The following MAN2B2 variants were observed in gnomAD, a reference collection of about 807,000 sequenced individuals.
MAN2B2 encodes the protein mannosidase alpha class 2B member 2, also known as epididymis-specific alpha-mannosidase.
MAN2B2 carries 106 observed loss-of-function variants against 117.1 expected under a neutral mutation model. That is an observed-to-expected ratio of 0.90 (90% confidence interval 0.77 to 1.06). The LOEUF is 1.06. Among genes scored for constraint, MAN2B2 ranks in the 50% least tolerant of loss-of-function variants. The probability of loss-of-function intolerance (pLI) is 0.00; values close to 1 mark genes in which losing one functional copy is unlikely to be tolerated. For missense variants in MAN2B2, 1,326 were observed against 1,381.4 expected, an observed-to-expected ratio of 0.96 and a Z score of 0.64; for synonymous variants, 544 against 595.1, an observed-to-expected ratio of 0.91 and a Z score of 1.25.
At chr4:6,613,217 G>C (rs1313086753) in intron 15 of MAN2B2, among the ~76,000 whole-genome samples, 1 of 152,196 alleles carries the variant, frequency 6.6e-6, no homozygotes, top group African/African-American at 2.4e-5. Context: ...AAGGAGTAGG[G>C]GCTGAGGTGC....
chr4:6,586,442 T>C (rs1007826864), intron 3 of MAN2B2, among the ~76,000 whole-genome samples: 1 of 152,180 alleles, frequency 6.6e-6, no homozygotes, highest in Non-Finnish European at 1.5e-5. Context: ...AAGACCTCCA[T>C]AGCATCATCA....
intron 11 of MAN2B2, among the ~76,000 whole-genome samples, chr4:6,607,917 T>C (rs964349728): frequency 2.0e-5 from 3 of 152,242 alleles, no homozygotes; most frequent in Admixed American, 6.5e-5. Context: ...TTTTCAATTA[T>C]AGCCATTCTC....
rs1726151656 is a variant in MAN2B2, at chr4:6,578,386, T to C, written c.286-7T>C. On this transcript the variant is annotated splice_region_variant and splice_polypyrimidine_tract_variant and intron_variant, in intron 2 of 18. Transcript: ENST00000285599. ...TGGCTTTTTTCTCTCTGCCTGCCCA[T>C]GTCAAGGTCCGCCAGCTCCTGGAGG... 1 of 1,610,768 alleles carries C rather than the reference T, an allele frequency of 6.2e-7. No individual in the cohort carries two copies. Among genetic ancestry groups the C allele is most frequent in the Non-Finnish European group, 8.5e-7 (1 of 1,178,112 alleles).
chr4:6,613,623 G>A (rs972406724), intron 15 of MAN2B2, among the ~76,000 whole-genome samples: 8 of 147,316 alleles, frequency 5.4e-5, no homozygotes, highest in African/African-American at 2.0e-4. Flanking sequence ...TGGAAGGGAG[G>A]GGAGGGGAGG....
chr4:6,614,534 T>C (rs1357972275), intron 16 of MAN2B2, among the ~76,000 whole-genome samples, 179 bp downstream of exon 16: 1 of 152,154 alleles, frequency 6.6e-6, no homozygotes, highest in Non-Finnish European at 1.5e-5. Context: ...ATCAGTCACT[T>C]GGCAAGCTGG....
At chr4:6,614,197 C>G (rs754393714) in intron 15 of MAN2B2, 21 bp from the exon 16 acceptor site, 1 of 1,612,036 alleles carries the variant, frequency 6.2e-7, no homozygotes, top group South Asian at 1.1e-5. Context: ...CCTCTCCTCA[C>G]TCTGTCCATC....
At chr4:6,578,070 T>C (rs1045621747) in intron 2 of MAN2B2, among the ~76,000 whole-genome samples, 4 of 152,228 alleles carry the variant, frequency 2.6e-5, no homozygotes, top group African/African-American at 9.7e-5. Context: ...ATGGTAGTGA[T>C]GAGTGAACCT....
At chr4:6,593,063 G>C (rs1355028847) in intron 5 of MAN2B2, 110 bp from the exon 6 acceptor site, 1 of 1,012,486 alleles carries the variant, frequency 9.9e-7, no homozygotes. Flanking sequence ...CAGTCTCAGG[G>C]TGAAATGATG....
intron 17 of MAN2B2, chr4:6,619,460 A>G (rs1712055709): frequency 6.4e-6 from 1 of 155,086 alleles, no homozygotes; most frequent in East Asian, 1.9e-4. Context: ...AGCCACCCCC[A>G]GCCCTCCTGC....
At chr4:6,579,277 C>CCAT (rs1726290352) in intron 3 of MAN2B2, among the ~76,000 whole-genome samples, 2 of 107,632 alleles carry the variant, frequency 1.9e-5, no homozygotes, top group South Asian at 3.5e-4. Flanking sequence ...ACCATCACCA[C>CCAT]CACCATCACC....
At chr4:6,617,807 A>G (rs1043913661) in intron 17 of MAN2B2, 1 of 287,248 alleles carries the variant, frequency 3.5e-6, no homozygotes, top group African/African-American at 2.2e-5. Flanking sequence ...CAACCTCCCA[A>G]GTAACTGGGA....
chr4:6,597,204 G>A lies in MAN2B2; in HGVS notation c.1149G>A (p.Glu383=). ...CCAGCGCCTTGTTGTATGCCGGGGA[G>A]TCCATGTTCACACGCTACCTGTGGC... ...RRASALLYAG[E]SMFTRYLWPA... Residue 383 remains glutamate (E), a synonymous_variant, in exon 8 of 19, where the codon GAG becomes GAA. Transcript: ENST00000285599. 6.2e-7 allele frequency: 1 copy of A among 1,611,808 alleles called. No individual in the cohort carries two copies. Among genetic ancestry groups the A allele is most frequent in the Non-Finnish European group, 8.5e-7 (1 of 1,179,280 alleles).
chr4:6,605,186 C>T lies in MAN2B2; in HGVS notation c.1671C>T (p.Ala557=), dbSNP rs1380559296. The change falls in exon 11 of 19, where the codon GCC becomes GCT. Residue 557 remains alanine (A), a synonymous_variant. Transcript: ENST00000285599. Reference sequence around the variant, plus strand: ...AAGAGGGCACCCAGGAGCCGGCTGCCACTGTGGCGAGCACCCTTCAATTTG... The same window carrying T: ...AAGAGGGCACCCAGGAGCCGGCTGCTACTGTGGCGAGCACCCTTCAATTTG... The part of the protein sequence containing the change: ...GAQEGTQEPA[A]TVASTLQFGR... The T allele has an allele frequency of 3.7e-6, 6 of 1,614,238 alleles. No homozygotes were observed. The highest frequency in any genetic ancestry group is 4.2e-6 in the Non-Finnish European group (5 of 1,180,048).
rs112013541 is a variant in MAN2B2 at position 6,611,005 on chromosome 4, C to G, written c.2370+15C>G. On this transcript the variant is annotated intron_variant, in intron 14 of 18. Coordinates refer to ENST00000285599, the MANE Select transcript of MAN2B2 (RefSeq NM_015274.3). ...GGCAGGTGGAGGTAGGAGGCACGGT[C>G]TGTCCTACAGCAGCCCCTCGCGGCC... The G allele has an allele frequency of 1.4e-3, 2,304 of 1,613,972 alleles. 36 individuals carry two copies. The African/African-American group carries it at 0.025, about 17-fold the overall frequency.
chr4:6,580,046 C>T (rs1418629175), intron 3 of MAN2B2, among the ~76,000 whole-genome samples: 1 of 152,224 alleles, frequency 6.6e-6, no homozygotes, highest in African/African-American at 2.4e-5. Context: ...CCTGATTTCC[C>T]CATTTGTAAA....
rs773836555 is a variant in MAN2B2 at position 6,609,167 on chromosome 4, T to G, written c.1875T>G (p.Asp625Glu). ...TCCTGGAGTACCACGTCAACGGGGA[T>G]GTGAAACAGGGCCCCATTTCCGATA... The part of the protein sequence containing the change: ...QEFLEYHVNG[D>E]VKQGPISDNY... Residue 625 changes from aspartate (D) to glutamate (E), a missense_variant, in exon 12 of 19, where the codon GAT (aspartate) becomes GAG (glutamate). Coordinates refer to ENST00000285599, the MANE Select transcript of MAN2B2 (RefSeq NM_015274.3). 14 of 1,614,084 alleles carry G rather than the reference T, an allele frequency of 8.7e-6. No individual in the cohort carries two copies. In the South Asian group the frequency reaches 1.4e-4, roughly 16 times the overall value.
chr4:6,611,360 CCCTCATGACTCTGGG>C lies in MAN2B2; in HGVS notation c.2563+84_2563+98del, dbSNP rs555457665. On this transcript the variant is annotated intron_variant, in intron 15 of 18. Transcript: ENST00000285599. ...GGGCGGGCCTTGGGAGGGGCCTGTG[CCCTCATGACTCTGGG>C]CAGCTTTTGGGCAGGAAGCGACCTC... The C allele has an allele frequency of 9.7e-4, 1,361 of 1,402,934 alleles. 2 individuals carry two copies. Among genetic ancestry groups the C allele is most frequent in the Non-Finnish European group, 1.2e-3 (1,231 of 1,046,326 alleles). 86.9% of individuals were successfully genotyped at this position (1,402,934 alleles called of 1,614,324 possible). A position where few individuals can be genotyped will look rare whatever the true frequency, so the allele number is the denominator to read the frequency against.
At chr4:6,587,847 C>T (rs1408591850) in intron 4 of MAN2B2, among the ~76,000 whole-genome samples, 1 of 150,936 alleles carries the variant, frequency 6.6e-6, no homozygotes, top group African/African-American at 2.4e-5. Flanking sequence ...CTCTGCCTCC[C>T]GGGTTCAAGC....
At chr4:6,603,000 C>T (rs1727389566) in intron 10 of MAN2B2, among the ~76,000 whole-genome samples, 1 of 152,140 alleles carries the variant, frequency 6.6e-6, no homozygotes, top group African/African-American at 2.4e-5. Context: ...TTTGCTGGGC[C>T]CCCTTGTATG....
Sources: gnomAD v4.1 joint callset for allele counts (sites outside exome capture counted in the v4.1 genomes callset) on GRCh38, gnomAD v4.1.1 for gene constraint, MANE v1.5 for transcripts, NCBI Gene and HGNC (gene_info 2026-07-23, HGNC 2026-07-21) for gene names.